The following WHRN variants were observed in gnomAD, a reference collection of about 807,000 sequenced individuals.
WHRN encodes whirlin, also known as CASK-interacting protein CIP98.
Under a neutral mutation model 68.3 loss-of-function variants are expected in WHRN, and 41 were observed. The observed-to-expected ratio is 0.60, with a 90% CI of 0.47 to 0.78. The LOEUF (loss-of-function observed/expected upper bound fraction) is 0.78. Ranked by LOEUF, WHRN falls within the 30% of genes least tolerant of loss-of-function variation. The probability of loss-of-function intolerance (pLI) is 0.00; values close to 1 mark genes in which losing one functional copy is unlikely to be tolerated. For synonymous variants in WHRN, 560 were observed against 561.3 expected (o/e 1.00, Z 0.03); for missense variants, 1,243 against 1,244.7 (o/e 1.00, Z 0.02).
intron 2 of WHRN, among the ~76,000 whole-genome samples, chr9:114,475,825 G>A (rs1406643791): frequency 1.3e-5 from 2 of 152,190 alleles, no homozygotes; most frequent in Non-Finnish European, 2.9e-5. Flanking sequence ...TCAGGAAGAG[G>A]AGGAACAGGG....
At position 114,478,607 on chromosome 9, in the gene WHRN, C is replaced by G. The variant is rs778072697; in HGVS notation, c.783G>C (p.Gln261His). 6.2e-7 allele frequency: 1 copy of G among 1,614,074 alleles called. No homozygotes were observed. The highest frequency in any genetic ancestry group is 2.2e-5 in the East Asian group (1 of 44,872). Residue 261 changes from glutamine to histidine, a missense_variant, in exon 2 of 12, where the codon CAG becomes CAC. Physicochemically the swap from Gln to His is conservative, Grantham distance 24. Transcript: ENST00000362057. Reference sequence around the variant, plus strand: ...GCAGGGTGCTCCTCCGGTCACCCTCCTGCTGCCTCAGGGCACCACCGTGGG... The same window carrying G: ...GCAGGGTGCTCCTCCGGTCACCCTCGTGCTGCCTCAGGGCACCACCGTGGG... Reference protein sequence around the residue: ...PQPHGGALRQQEGDRRSTLHL... With the variant: ...PQPHGGALRQHEGDRRSTLHL...
rs1354422331 is a variant in WHRN, at chr9:114,478,613, C to A, written c.777G>T (p.Arg259Ser). 2 of 1,614,050 alleles carry A rather than the reference C, an allele frequency of 1.2e-6. No individual in the cohort carries two copies. Among genetic ancestry groups the A allele is most frequent in the South Asian group, 2.2e-5 (2 of 91,072 alleles). ...TGCTCCTCCGGTCACCCTCCTGCTG[C>A]CTCAGGGCACCACCGTGGGGCTGGG... Reference protein sequence around the residue: ...GLPQPHGGALRQQEGDRRSTL... With the variant: ...GLPQPHGGALSQQEGDRRSTL... The change falls in exon 2 of 12, where the codon AGG (arginine) becomes AGT (serine). Residue 259 changes from arginine to serine, a missense_variant. Transcript: ENST00000362057.
chr9:114,483,090 T>C (rs1390637307), intron 1 of WHRN, among the ~76,000 whole-genome samples: 9 of 152,354 alleles, frequency 5.9e-5, no homozygotes, highest in Non-Finnish European at 1.2e-4. Context: ...CGTAGACCAT[T>C]CATCTACCTC....
intron 7 of WHRN, among the ~76,000 whole-genome samples, chr9:114,418,927 A>C (rs1836029821): frequency 6.6e-6 from 1 of 152,246 alleles, no homozygotes; most frequent in South Asian, 2.1e-4. Context: ...CCATCGTGGA[A>C]AGGATTTCTT....
At position 114,406,347 on chromosome 9, in the gene WHRN, G is replaced by A. The variant is rs763849273; in HGVS notation, c.2236+8C>T. On this transcript the variant is annotated splice_region_variant and intron_variant, in intron 9 of 11. Transcript: ENST00000362057. ...AAGGACCACAGAGCCTGGCCTTGCTGTACTCACTGCGCGTCTGGGGCAGCG... is the reference window on the plus strand; with the variant it reads ...AAGGACCACAGAGCCTGGCCTTGCTATACTCACTGCGCGTCTGGGGCAGCG... The A allele has an allele frequency of 5.0e-6, 8 of 1,613,894 alleles. No homozygotes were observed. Among genetic ancestry groups the A allele is most frequent in the South Asian group, 2.2e-5 (2 of 91,094 alleles).
intron 2 of WHRN, among the ~76,000 whole-genome samples, chr9:114,475,711 G>C (rs948430374): frequency 8.5e-5 from 13 of 152,270 alleles, no homozygotes; most frequent in African/African-American, 3.1e-4. Flanking sequence ...GGAGAGAAGA[G>C]AATCAGACCC....
chr9:114,406,603 C>G lies in WHRN; in HGVS notation c.1988G>C (p.Arg663Thr). 2.5e-6 allele frequency: 4 copies of G among 1,610,758 alleles called. No homozygotes were observed. Among genetic ancestry groups the G allele is most frequent in the Non-Finnish European group, 3.4e-6 (4 of 1,177,602 alleles). The change falls in exon 9 of 12, where the codon AGG (arginine) becomes ACG (threonine). Residue 663 changes from arginine to threonine, a missense_variant. Transcript: ENST00000362057. ...SVSPANPSSK[R>T]PLDAHLALVN... ...CAGGGCCAGATGGGCGTCCAGCGGC[C>G]TCTTGGAGCTGGGGTTGGCAGGGGA... is the stretch of plus-strand genomic sequence containing the variant.
intron 3 of WHRN, among the ~76,000 whole-genome samples, chr9:114,449,504 C>T (rs796141488): frequency 6.6e-5 from 10 of 152,350 alleles, no homozygotes; most frequent in African/African-American, 2.4e-4. Context: ...ACCACCCTAC[C>T]AAGGGCCGCT....
In WHRN at chr9:114,425,277, G is replaced by A. The variant is rs550283633; in HGVS notation, c.1167-253C>T. ...ACCACCCGAGGTGGGCTCCTGAGTT[G>A]TTGCCAACCCCGCAGGACCAGGCAG... On this transcript the variant is annotated intron_variant, in intron 4 of 11. Coordinates refer to ENST00000362057, the MANE Select transcript of WHRN (RefSeq NM_015404.4). 1.4e-5 allele frequency: 9 copies of A among 646,558 alleles called. No individual in the cohort carries two copies. In the African/African-American group the frequency reaches 1.6e-4, roughly 12 times the overall value. The allele number at this position is 646,558 out of a possible 1,614,324, so 40.1% of individuals were successfully genotyped here.
chr9:114,404,922 G>T (rs562636453), intron 9 of WHRN, among the ~76,000 whole-genome samples: 6 of 152,032 alleles, frequency 3.9e-5, no homozygotes, highest in African/African-American at 1.4e-4. Flanking sequence ...TATACACATA[G>T]TGAAGCAGCG....
intron 3 of WHRN, among the ~76,000 whole-genome samples, chr9:114,430,652 G>A (rs1837337216): frequency 6.6e-6 from 1 of 152,212 alleles, no homozygotes; most frequent in African/African-American, 2.4e-5. Context: ...GGTTGGCTGT[G>A]CGAGTCACAT....
At position 114,402,836 on chromosome 9, in the gene WHRN, G is replaced by A; in HGVS notation, c.2642C>T (p.Ala881Val). The change falls in exon 12 of 12, where the codon GCC (alanine) becomes GTC (valine). Residue 881 changes from alanine (A) to valine (V), a missense_variant. Coordinates refer to ENST00000362057, the MANE Select transcript of WHRN (RefSeq NM_015404.4). ...TLRGKEHREA[A>V]RIIAEAFKTK... ...CTTGAAGGCCTCGGCGATAATGCGG[G>A]CGGCCTCCCGGTGCTCCTTGCCCCG... The A allele has an allele frequency of 6.2e-7, 1 of 1,614,130 alleles. No homozygotes were observed. The highest frequency in any genetic ancestry group is 8.5e-7 in the Non-Finnish European group (1 of 1,180,044).
intron 3 of WHRN, among the ~76,000 whole-genome samples, chr9:114,453,254 C>T (rs1382668421): frequency 6.6e-6 from 1 of 151,984 alleles, no homozygotes; most frequent in Non-Finnish European, 1.5e-5. Flanking sequence ...AAGAGAGGTC[C>T]CAGGCTCTTT....
chr9:114,492,817 G>A (rs567772910), intron 1 of WHRN, among the ~76,000 whole-genome samples: 3 of 151,622 alleles, frequency 2.0e-5, no homozygotes, highest in East Asian at 1.9e-4. Context: ...GAAACCCCAC[G>A]TCTACAAAAG....
chr9:114,493,609 A>G (rs1160025623), intron 1 of WHRN, among the ~76,000 whole-genome samples: 1 of 152,196 alleles, frequency 6.6e-6, no homozygotes, highest in African/African-American at 2.4e-5. Flanking sequence ...ATTCAATGAG[A>G]TAATTTCACA....
At chr9:114,446,786 C>G (rs140184124) in intron 3 of WHRN, among the ~76,000 whole-genome samples, 1 of 152,256 alleles carries the variant, frequency 6.6e-6, no homozygotes, top group East Asian at 1.9e-4. Context: ...AGCTCCTTGA[C>G]TTTGGAAGTA....
chr9:114,449,696 T>C (rs955148760), intron 3 of WHRN, among the ~76,000 whole-genome samples: 13 of 152,126 alleles, frequency 8.5e-5, no homozygotes, highest in African/African-American at 2.9e-4. Flanking sequence ...TGGCAGGTTC[T>C]TGGGAAATAA....
At chr9:114,424,085 A>G (rs1836571151) in intron 6 of WHRN, among the ~76,000 whole-genome samples, 1 of 152,184 alleles carries the variant, frequency 6.6e-6, no homozygotes, top group African/African-American at 2.4e-5. Context: ...AGAGCAATCC[A>G]GGTGATTCTG....
intron 3 of WHRN, among the ~76,000 whole-genome samples, chr9:114,464,198 T>C (rs1259477347): frequency 1.3e-5 from 2 of 152,180 alleles, no homozygotes; most frequent in African/African-American, 4.8e-5. Flanking sequence ...GTTAATGACA[T>C]AAAGCACTTG....
Sources: gnomAD v4.1 joint callset for allele counts (sites outside exome capture counted in the v4.1 genomes callset) on GRCh38, gnomAD v4.1.1 for gene constraint, MANE v1.5 for transcripts, NCBI Gene and HGNC (gene_info 2026-07-23, HGNC 2026-07-21) for gene names.